KIAA1217: variants seen among roughly 807,000 people sequenced by gnomAD.
KIAA1217 encodes the protein sickle tail protein homolog.
KIAA1217 carries 88 observed loss-of-function variants against 163.9 expected under a neutral mutation model. The ratio of observed to expected loss-of-function variants is 0.54; its 90% confidence interval spans 0.45 to 0.64. KIAA1217 has a LOEUF of 0.64. KIAA1217 is among the 30% of genes least tolerant of loss of function. The pLI is 0.00. For synonymous variants in KIAA1217, 903 were observed against 923.1 expected, an observed-to-expected ratio of 0.98 and a Z score of 0.39; for missense variants, 2,372 against 2,475.0, an observed-to-expected ratio of 0.96 and a Z score of 0.88.
intron 2 of KIAA1217, among the ~76,000 whole-genome samples, chr10:24,164,393 G>T (rs748523244): frequency 6.6e-6 from 1 of 152,104 alleles, no homozygotes; most frequent in Non-Finnish European, 1.5e-5. Flanking sequence ...TACTATCTTG[G>T]TAGCCCTATC....
At chr10:24,267,444 C>CTATCTG in intron 2 of KIAA1217, among the ~76,000 whole-genome samples, 1 of 152,352 alleles carries the variant, frequency 6.6e-6, no homozygotes, top group African/African-American at 2.4e-5. Flanking sequence ...AGCTATCCAT[C>CTATCTG]TATCTGTATC....
intron 5 of KIAA1217, among the ~76,000 whole-genome samples, chr10:24,448,252 G>GA (rs1477017583): frequency 6.6e-6 from 1 of 151,846 alleles, no homozygotes; most frequent in Admixed American, 6.6e-5. Context: ...TGCGTGGGGG[G>GA]GGCTGGAGTT....
chr10:24,455,139 A>AT (rs1196845442), intron 5 of KIAA1217, among the ~76,000 whole-genome samples: 1 of 152,204 alleles, frequency 6.6e-6, no homozygotes, highest in African/African-American at 2.4e-5. Context: ...ATTCGTAACA[A>AT]TGATCTGAAG....
At chr10:24,374,042 C>T (rs1213903204) in intron 2 of KIAA1217, among the ~76,000 whole-genome samples, 1 of 152,136 alleles carries the variant, frequency 6.6e-6, no homozygotes, top group Non-Finnish European at 1.5e-5. Context: ...TCATGAATAA[C>T]GTCTGGGTAC....
chr10:24,192,537 C>T (rs935714817), intron 2 of KIAA1217, among the ~76,000 whole-genome samples: 1 of 152,170 alleles, frequency 6.6e-6, no homozygotes, highest in Non-Finnish European at 1.5e-5. Context: ...TTCATCACAT[C>T]CCATTTGTTC....
chr10:24,026,380 A>G (rs190596148), intron 2 of KIAA1217, among the ~76,000 whole-genome samples: 2 of 152,074 alleles, frequency 1.3e-5, no homozygotes, highest in African/African-American at 2.4e-5. Context: ...AAATTTACCA[A>G]TAAAGCCATC....
intron 6 of KIAA1217, chr10:24,481,242 A>G (rs957435744): frequency 6.6e-6 from 1 of 152,248 alleles, no homozygotes; most frequent in African/African-American, 2.4e-5. Context: ...ATAAAATATT[A>G]AAAGCTTAAT....
intron 1 of KIAA1217, among the ~76,000 whole-genome samples, chr10:23,982,567 C>G (rs2086707197): frequency 6.8e-6 from 1 of 147,534 alleles, no homozygotes; most frequent in African/African-American, 2.6e-5. Context: ...CTCTCTCTCT[C>G]TCTCTCTCTC....
At chr10:24,166,397 T>G (rs2065345809) in intron 2 of KIAA1217, among the ~76,000 whole-genome samples, 1 of 152,204 alleles carries the variant, frequency 6.6e-6, no homozygotes, top group African/African-American at 2.4e-5. Context: ...AGATCTGGTG[T>G]TCAATAGATC....
chr10:23,883,193 A>G (rs1841026110), intron 1 of KIAA1217, among the ~76,000 whole-genome samples: 1 of 151,970 alleles, frequency 6.6e-6, no homozygotes, highest in African/African-American at 2.4e-5. Flanking sequence ...TGAAATTGTG[A>G]TAATACACTG....
At chr10:23,945,641 A>AAGGGGTTATT (rs1430309638) in intron 1 of KIAA1217, among the ~76,000 whole-genome samples, 1 of 152,192 alleles carries the variant, frequency 6.6e-6, no homozygotes, top group Non-Finnish European at 1.5e-5. Context: ...AGGGAACTCC[A>AAGGGGTTATT]AGGGGTTATT....
At chr10:24,536,543 G>T (rs542508859) in intron 16 of KIAA1217, among the ~76,000 whole-genome samples, 1 of 152,158 alleles carries the variant, frequency 6.6e-6, no homozygotes, top group South Asian at 2.1e-4. Context: ...ATTTTATCTT[G>T]GCATTCCCCA....
chr10:24,165,001 C>G (rs974144327), intron 2 of KIAA1217, among the ~76,000 whole-genome samples: 8 of 152,190 alleles, frequency 5.3e-5, no homozygotes, highest in African/African-American at 1.9e-4. Flanking sequence ...ACTGGTACCT[C>G]TTTGGCTGGG....
intron 1 of KIAA1217, among the ~76,000 whole-genome samples, chr10:23,842,200 C>T (rs375009205): frequency 7.9e-5 from 12 of 152,046 alleles, no homozygotes; most frequent in African/African-American, 2.4e-4. Context: ...TGCATATCTG[C>T]CTTATTCCCT....
At chr10:23,716,786 T>C (rs11013652) in intron 1 of KIAA1217, among the ~76,000 whole-genome samples, 3,390 of 152,276 alleles carry the variant, frequency 0.022, 139 homozygotes, top group African/African-American at 0.073. Context: ...TGTGGCTTTG[T>C]TTATTAAAGA....
At chr10:24,105,537 G>C (rs2062591633) in intron 2 of KIAA1217, among the ~76,000 whole-genome samples, 1 of 152,202 alleles carries the variant, frequency 6.6e-6, no homozygotes. Flanking sequence ...CAAGAAACCA[G>C]TGGTATCTGT....
At chr10:24,469,706 G>A (rs2063300684) in intron 5 of KIAA1217, among the ~76,000 whole-genome samples, 2 of 152,080 alleles carry the variant, frequency 1.3e-5, no homozygotes, top group Non-Finnish European at 2.9e-5. Flanking sequence ...CCACCTCCCG[G>A]GTTCAAGCAA....
chr10:24,516,675 C>A (rs7910958), intron 10 of KIAA1217, among the ~76,000 whole-genome samples: 45,204 of 151,944 alleles, frequency 0.3, 7,014 homozygotes, highest in Middle Eastern at 0.4. Flanking sequence ...GATCATGTGC[C>A]GGACTGATTA....
At position 24,547,244 on chromosome 10, in the gene KIAA1217, T is replaced by TA. The variant is rs1448928201; in HGVS notation, c.*925dup. ...GTAAATATATAAATATACATAGACA[T>TA]AAAAATACTGTATGTGACAGCACAT... On this transcript the variant is annotated 3_prime_UTR_variant, in exon 21 of 21. Coordinates refer to ENST00000376454, the MANE Select transcript of KIAA1217 (RefSeq NM_019590.5). The TA allele has an allele frequency of 6.6e-6, 1 of 152,576 alleles. No homozygotes were observed. Among genetic ancestry groups the TA allele is most frequent in the Non-Finnish European group, 1.5e-5 (1 of 68,028 alleles). 9.5% of individuals were successfully genotyped at this position (152,576 alleles called of 1,614,324 possible).
Sources: allele counts gnomAD v4.1 joint callset (sites outside exome capture counted in the v4.1 genomes callset), GRCh38; gene constraint gnomAD v4.1.1; transcripts MANE v1.5; gene names NCBI Gene and HGNC (gene_info 2026-07-23, HGNC 2026-07-21).